Variants in GKAP1 observed in about 807,000 individuals in gnomAD.
GKAP1 encodes G kinase-anchoring protein 1.
Under a neutral mutation model 56.7 loss-of-function variants are expected in GKAP1, and 31 were observed. The observed-to-expected ratio is 0.55, with a 90% CI of 0.41 to 0.74. The LOEUF is 0.74. Ranked by LOEUF, GKAP1 falls within the 30% of genes least tolerant of loss-of-function variation. The pLI, the probability that GKAP1 is intolerant of heterozygous loss-of-function variation, is 0.00. For synonymous variants in GKAP1, 151 were observed against 138.6 expected, an observed-to-expected ratio of 1.09 and a Z score of -0.63; for missense variants, 364 against 402.3, an observed-to-expected ratio of 0.90 and a Z score of 0.82.
At chr9:83,812,260 T>A (rs190138075) in intron 2 of GKAP1, among the ~76,000 whole-genome samples, 1 of 147,904 alleles carries the variant, frequency 6.8e-6, no homozygotes, top group Admixed American at 6.8e-5. Flanking sequence ...TATGTATACG[T>A]ATATATACAC....
chr9:83,769,128 C>T (rs1044617533), intron 7 of GKAP1, among the ~76,000 whole-genome samples, 158 bp from the exon 8 acceptor site: 6 of 152,318 alleles, frequency 3.9e-5, no homozygotes, highest in African/African-American at 9.6e-5. Flanking sequence ...AGACAATCAA[C>T]GACTTGATCC....
At chr9:83,769,952 A>C (rs1943728815) in intron 7 of GKAP1, among the ~76,000 whole-genome samples, 1 of 152,192 alleles carries the variant, frequency 6.6e-6, no homozygotes, top group Non-Finnish European at 1.5e-5. Context: ...TTTCCCTGAC[A>C]GCGAATGGTG....
intron 5 of GKAP1, among the ~76,000 whole-genome samples, chr9:83,786,772 G>T (rs1458354984): frequency 6.6e-6 from 1 of 152,146 alleles, no homozygotes; most frequent in Non-Finnish European, 1.5e-5. Flanking sequence ...TAAAATCAAT[G>T]ATTTTGAGTA....
chr9:83,767,669 T>C (rs1943687429), intron 8 of GKAP1, among the ~76,000 whole-genome samples: 1 of 151,942 alleles, frequency 6.6e-6, no homozygotes, highest in Non-Finnish European at 1.5e-5. Flanking sequence ...AGCCATATTC[T>C]CTCTTTTCTA....
chr9:83,741,402 G>A (rs781097042), intron 12 of GKAP1, among the ~76,000 whole-genome samples: 3 of 150,462 alleles, frequency 2.0e-5, no homozygotes, highest in Non-Finnish European at 3.0e-5. Context: ...AAAAGCACTG[G>A]TATTTTTAAT....
intron 8 of GKAP1, among the ~76,000 whole-genome samples, chr9:83,765,559 C>G (rs550594200): frequency 6.6e-6 from 1 of 152,316 alleles, no homozygotes; most frequent in Admixed American, 6.5e-5. Flanking sequence ...GTGAAAGCAG[C>G]CAGTAAGTGG....
intron 2 of GKAP1, among the ~76,000 whole-genome samples, chr9:83,812,636 G>A (rs1231039016): frequency 2.7e-5 from 4 of 149,892 alleles, no homozygotes; most frequent in African/African-American, 9.9e-5. Context: ...CACCATGCCC[G>A]GCTCTACAAT....
At position 83,806,481 on chromosome 9, in the gene GKAP1, C is replaced by T. The variant is rs1170782130; in HGVS notation, c.37G>A (p.Ala13Thr). The change falls in exon 3 of 13, where the codon GCT becomes ACT. Residue 13 changes from alanine (A) to threonine (T), a missense_variant. Ala to Thr is a moderately conservative substitution (Grantham distance 58). Coordinates refer to ENST00000376371, the MANE Select transcript of GKAP1 (RefSeq NM_025211.4). ...SAVLSSVPTT[A>T]SRFALLQVDS... ...ACTTGTAACAGGGCAAAACGAGAAG[C>T]GGTGGTGGGAACAGAACTAAGTACT... The T allele has an allele frequency of 3.1e-6, 5 of 1,613,886 alleles. No homozygotes were observed. The highest frequency in any genetic ancestry group is 1.1e-5 in the South Asian group (1 of 91,058).
At chr9:83,809,961 C>A (rs926573564) in intron 2 of GKAP1, among the ~76,000 whole-genome samples, 1 of 152,122 alleles carries the variant, frequency 6.6e-6, no homozygotes, top group Non-Finnish European at 1.5e-5. Context: ...GTGTGTGCCA[C>A]CATGCCTGGC....
chr9:83,761,010 A>T (rs1943560869), intron 8 of GKAP1, among the ~76,000 whole-genome samples: 1 of 151,922 alleles, frequency 6.6e-6, no homozygotes, highest in Non-Finnish European at 1.5e-5. Flanking sequence ...AATAATAAAC[A>T]TCACAGCAGA....
At chr9:83,774,082 C>T (rs1943809521) in intron 7 of GKAP1, among the ~76,000 whole-genome samples, 1 of 151,914 alleles carries the variant, frequency 6.6e-6, no homozygotes, top group East Asian at 2.0e-4. Flanking sequence ...ATTGGCCAGG[C>T]TGGTCTCTGA....
At chr9:83,753,418 G>C in intron 8 of GKAP1, 59 bp from the exon 9 acceptor site, 2 of 1,102,676 alleles carry the variant, frequency 1.8e-6, no homozygotes, top group Non-Finnish European at 2.7e-6. Flanking sequence ...CTGGTTTATA[G>C]TATTCCTTTG....
intron 8 of GKAP1, among the ~76,000 whole-genome samples, chr9:83,760,198 CA>C (rs1174007424): frequency 6.6e-5 from 10 of 151,700 alleles, no homozygotes; most frequent in African/African-American, 2.4e-4. Flanking sequence ...CAAGGGAAAC[CA>C]AAAAAGAGCA....
Position 83,784,838 on chromosome 9 carries a change from C to A in GKAP1, c.439G>T (p.Glu147Ter). Residue 147 changes from glutamate (E) to a stop codon, truncating the protein, a stop_gained and splice_region_variant, in exon 6 of 13, where the codon GAG becomes TAG. Coordinates refer to ENST00000376371, the MANE Select transcript of GKAP1 (RefSeq NM_025211.4). LOFTEE classifies it high-confidence loss of function. ...GAAGTATTTTCAGCATCTTCATACTCCTAAAAAGAATTACCAACAACAATT... is the reference window on the plus strand; with the variant it reads ...GAAGTATTTTCAGCATCTTCATACTACTAAAAAGAATTACCAACAACAATT... ...SKLEYEEHKK[E>*]YEDAENTSTQ... 1 of 1,554,822 alleles carries A rather than the reference C, an allele frequency of 6.4e-7. No homozygotes were observed. Among genetic ancestry groups the A allele is most frequent in the Non-Finnish European group, 8.7e-7 (1 of 1,149,032 alleles).
intron 5 of GKAP1, among the ~76,000 whole-genome samples, chr9:83,786,792 T>C (rs1426042437): frequency 6.6e-6 from 1 of 152,210 alleles, no homozygotes; most frequent in Non-Finnish European, 1.5e-5. Flanking sequence ...ACTACACCTA[T>C]GACTGTGCAA....
intron 4 of GKAP1, among the ~76,000 whole-genome samples, chr9:83,798,083 G>T: frequency 6.6e-6 from 1 of 152,288 alleles, no homozygotes; most frequent in East Asian, 1.9e-4. Flanking sequence ...TCATGAGCCT[G>T]AGGCACTGCA....
At chr9:83,774,705 T>C (rs1943825539) in intron 7 of GKAP1, among the ~76,000 whole-genome samples, 1 of 126,698 alleles carries the variant, frequency 7.9e-6, no homozygotes, top group Non-Finnish European at 1.7e-5. Context: ...AAACCCCCTT[T>C]TTTTTTTTTT....
chr9:83,771,062 T>A (rs1943751311), intron 7 of GKAP1, among the ~76,000 whole-genome samples: 1 of 152,100 alleles, frequency 6.6e-6, no homozygotes, highest in South Asian at 2.1e-4. Context: ...GTTTCACCTA[T>A]GTCCCACATT....
intron 2 of GKAP1, among the ~76,000 whole-genome samples, chr9:83,809,154 A>C (rs1944475900): frequency 6.6e-6 from 1 of 152,238 alleles, no homozygotes; most frequent in African/African-American, 2.4e-5. Context: ...TATATGGATT[A>C]TTTGCATGCA....
Sources: gnomAD v4.1 joint callset for allele counts (sites outside exome capture counted in the v4.1 genomes callset) on GRCh38, gnomAD v4.1.1 for gene constraint, MANE v1.5 for transcripts, NCBI Gene and HGNC (gene_info 2026-07-23, HGNC 2026-07-21) for gene names.